Variants in CRACR2A observed in about 807,000 individuals in gnomAD.
CRACR2A encodes EF-hand calcium-binding domain-containing protein 4B.
Under a neutral mutation model 90.5 loss-of-function variants are expected in CRACR2A, and 79 were observed. The observed-to-expected ratio is 0.87, with a 90% CI of 0.73 to 1.05. The LOEUF is 1.05. CRACR2A is among the 50% of genes least tolerant of loss of function. The pLI is 0.00. For missense variants in CRACR2A, 823 were observed against 897.2 expected (o/e 0.92, Z 1.06); for synonymous variants, 338 against 356.7 (o/e 0.95, Z 0.59).
chr12:3,751,926 C>T (rs1409946809), intron 1 of CRACR2A, among the ~76,000 whole-genome samples: 3 of 152,216 alleles, frequency 2.0e-5, no homozygotes, highest in African/African-American at 7.2e-5. Context: ...ATATTCATTT[C>T]ACCTGAAAAG....
At chr12:3,628,904 C>A (rs1369775144) in intron 15 of CRACR2A, among the ~76,000 whole-genome samples, 1 of 152,094 alleles carries the variant, frequency 6.6e-6, no homozygotes, top group African/African-American at 2.4e-5. Flanking sequence ...GCATTAAGAC[C>A]CACGAGTGAG....
At chr12:3,715,054 T>C (rs1482994191) in intron 2 of CRACR2A, among the ~76,000 whole-genome samples, 3 of 152,320 alleles carry the variant, frequency 2.0e-5, no homozygotes, top group African/African-American at 7.2e-5. Context: ...TCCCAAACCT[T>C]GCCATCTCCT....
chr12:3,698,466 C>T (rs1218577369), intron 3 of CRACR2A, among the ~76,000 whole-genome samples: 2 of 152,206 alleles, frequency 1.3e-5, no homozygotes, highest in African/African-American at 4.8e-5. Context: ...TGATCTTCCA[C>T]TTAACCAGAT....
chr12:3,628,343 G>C (rs556687635), intron 15 of CRACR2A, among the ~76,000 whole-genome samples: 1 of 152,220 alleles, frequency 6.6e-6, no homozygotes, highest in Admixed American at 6.5e-5. Flanking sequence ...TGGAGGAGGA[G>C]GAAGAAGAAG....
At chr12:3,666,086 G>A (rs543140997) in intron 7 of CRACR2A, among the ~76,000 whole-genome samples, 34 of 152,220 alleles carry the variant, frequency 2.2e-4, no homozygotes, top group African/African-American at 7.9e-4. Context: ...CTCTGGTGGT[G>A]GGGAGGAGGG....
intron 4 of CRACR2A, among the ~76,000 whole-genome samples, chr12:3,683,549 C>T (rs1320779702): frequency 1.3e-5 from 2 of 152,212 alleles, no homozygotes; most frequent in Admixed American, 6.5e-5. Flanking sequence ...TCAGCTCCTG[C>T]GTCACTTCCT....
intron 15 of CRACR2A, 64 bp from the exon 16 acceptor site, chr12:3,627,770 G>A: frequency 6.9e-7 from 1 of 1,456,494 alleles, no homozygotes; most frequent in Non-Finnish European, 9.4e-7. Context: ...TCCAAATCAG[G>A]AAACAATGCT....
intron 2 of CRACR2A, among the ~76,000 whole-genome samples, chr12:3,716,059 CTT>C (rs565438217): frequency 7.0e-6 from 1 of 143,220 alleles, no homozygotes; most frequent in Non-Finnish European, 1.5e-5. Context: ...CTCTCCCAGG[CTT>C]TTTTTTTTTT....
intron 11 of CRACR2A, 115 bp from the exon 12 acceptor site, chr12:3,644,755 G>A: frequency 4.5e-6 from 4 of 886,688 alleles, no homozygotes; most frequent in African/African-American, 1.7e-5. Flanking sequence ...GGAAGACAGG[G>A]GAGTCTGTGG....
intron 12 of CRACR2A, 30 bp from the exon 13 acceptor site, chr12:3,641,868 A>C: frequency 1.9e-6 from 3 of 1,543,914 alleles, no homozygotes; most frequent in Non-Finnish European, 2.6e-6. Flanking sequence ...CCTCAGATCC[A>C]TGCCTATTTG....
intron 10 of CRACR2A, among the ~76,000 whole-genome samples, chr12:3,652,489 C>A (rs1354769388): frequency 6.6e-6 from 1 of 152,022 alleles, no homozygotes; most frequent in Non-Finnish European, 1.5e-5. Flanking sequence ...GGCTATCTTA[C>A]TAGGGTGAAA....
intron 12 of CRACR2A, 67 bp downstream of exon 12, chr12:3,644,528 T>G: frequency 1.4e-6 from 2 of 1,479,412 alleles, no homozygotes; most frequent in Non-Finnish European, 1.8e-6. Context: ...AGTCTCGACA[T>G]GGATCTGGCT....
At chr12:3,662,936 C>T (rs1008635289) in intron 7 of CRACR2A, among the ~76,000 whole-genome samples, 1 of 152,246 alleles carries the variant, frequency 6.6e-6, no homozygotes, top group Non-Finnish European at 1.5e-5. Context: ...TCTAAAACCA[C>T]TTCTATTGCC....
intron 3 of CRACR2A, among the ~76,000 whole-genome samples, chr12:3,703,374 C>T (rs55680128): frequency 0.13 from 20,133 of 152,152 alleles, 1,516 homozygotes; most frequent in Admixed American, 0.22. Flanking sequence ...CATGAGCCAC[C>T]GCACCCAGCT....
chr12:3,713,529 G>A (rs1946038210), intron 2 of CRACR2A, among the ~76,000 whole-genome samples: 1 of 152,188 alleles, frequency 6.6e-6, no homozygotes, highest in Non-Finnish European at 1.5e-5. Flanking sequence ...TCTGCTTAGT[G>A]ACCCTGAATC....
At chr12:3,696,491 AC>A (rs201437563) in intron 4 of CRACR2A, among the ~76,000 whole-genome samples, 19,451 of 152,158 alleles carry the variant, frequency 0.13, 1,533 homozygotes, top group Middle Eastern at 0.19. Flanking sequence ...CTCGTGTCTT[AC>A]TTAAGTCCCT....
In CRACR2A at chr12:3,656,310, C is replaced by T; in HGVS notation, c.858+1G>A. 1.2e-6 allele frequency: 2 copies of T among 1,614,096 alleles called. No homozygotes were observed. Among genetic ancestry groups the T allele is most frequent in the Non-Finnish European group, 1.7e-6 (2 of 1,180,010 alleles). On this transcript the variant is annotated splice_donor_variant, in intron 9 of 19. Transcript: ENST00000440314. LOFTEE classifies it high-confidence loss of function. Reference sequence around the variant, plus strand: ...CTCTGGGGCCATGGATGGCAACATACCCTTTTCTGCTTCTGGGTGAGCTGC... The same window carrying T: ...CTCTGGGGCCATGGATGGCAACATATCCTTTTCTGCTTCTGGGTGAGCTGC...
intron 2 of CRACR2A, among the ~76,000 whole-genome samples, chr12:3,723,517 G>A (rs573276721): frequency 1.6e-4 from 24 of 152,146 alleles, no homozygotes; most frequent in Admixed American, 1.5e-3. Flanking sequence ...GTTTTCACAC[G>A]TCTCTGACTC....
chr12:3,623,457 G>T (rs1944189941), intron 17 of CRACR2A, among the ~76,000 whole-genome samples: 1 of 152,112 alleles, frequency 6.6e-6, no homozygotes, highest in Non-Finnish European at 1.5e-5. Context: ...GGCTCTGGGG[G>T]AAATACCAGC....
Sources: allele counts gnomAD v4.1 joint callset (sites outside exome capture counted in the v4.1 genomes callset), GRCh38; gene constraint gnomAD v4.1.1; transcripts MANE v1.5; gene names NCBI Gene and HGNC (gene_info 2026-07-23, HGNC 2026-07-21).